Variants in SLC6A19 observed in about 807,000 individuals in gnomAD.
The protein encoded by SLC6A19 is solute carrier family 6 member 19, also known as sodium-dependent neutral amino acid transporter B(0)AT1.
SLC6A19 carries 67 observed loss-of-function variants against 68.3 expected under a neutral mutation model. The ratio of observed to expected loss-of-function variants is 0.98; its 90% CI spans 0.81 to 1.20. The LOEUF is 1.20. SLC6A19 is among the 50% of genes most tolerant of loss of function. SLC6A19 has a pLI of 0.00. For missense variants in SLC6A19, 813 were observed against 851.6 expected, an observed-to-expected ratio of 0.95 and a Z score of 0.56; for synonymous variants, 392 against 374.9, an observed-to-expected ratio of 1.05 and a Z score of -0.53.
chr5:1,203,729 G>T (rs1376126920), intron 1 of SLC6A19, among the ~76,000 whole-genome samples: 1 of 152,228 alleles, frequency 6.6e-6, no homozygotes, highest in Non-Finnish European at 1.5e-5. Context: ...GGCTGACCAG[G>T]ACCCCACATA....
chr5:1,219,605 C>A lies in SLC6A19; in HGVS notation c.1479C>A (p.Pro493=). 4 of 1,611,150 alleles carry A rather than the reference C, an allele frequency of 2.5e-6. No individual in the cohort carries two copies. Among genetic ancestry groups the A allele is most frequent in the East Asian group, 2.2e-5 (1 of 44,890 alleles). Residue 493 remains proline, a synonymous_variant, in exon 10 of 12, where the codon CCC becomes CCA. Transcript: ENST00000304460. Reference sequence around the variant, plus strand: ...TGGACAGCTATGCCGGCTCCATTCCCCTGCTCATCATCGCCTTCTGCGAGA... The same window carrying A: ...TGGACAGCTATGCCGGCTCCATTCCACTGCTCATCATCGCCTTCTGCGAGA... ...SLLDSYAGSI[P]LLIIAFCEMF... is the part of the protein sequence containing the mutation.
In SLC6A19 at chr5:1,221,313, CG is replaced by C; in HGVS notation, c.1701+1del. The C allele has an allele frequency of 6.2e-7, 1 of 1,613,310 alleles. No individual in the cohort carries two copies. Among genetic ancestry groups the C allele is most frequent in the Non-Finnish European group, 8.5e-7 (1 of 1,179,982 alleles). On this transcript the variant is annotated splice_donor_variant, in intron 11 of 11. Coordinates refer to ENST00000304460, the MANE Select transcript of SLC6A19 (RefSeq NM_001003841.3). LOFTEE classifies it high-confidence loss of function. ...CCTACAGCATCTGGGACCCTGGCTA[CG>C]TAAGTGTCCAGGCAGTCGCCTGGGG... is the stretch of plus-strand genomic sequence containing the variant.
Position 1,210,537 on chromosome 5 carries a change from A to C in SLC6A19, c.437A>C (p.Glu146Ala). The C allele has an allele frequency of 6.2e-7, 1 of 1,613,326 alleles. No individual in the cohort carries two copies. The highest frequency in any genetic ancestry group is 8.5e-7 in the Non-Finnish European group (1 of 1,180,012). Residue 146 changes from glutamate to alanine, a missense_variant, in exon 3 of 12, where the codon GAG becomes GCG. Transcript: ENST00000304460. ...TGGTACTTATTCAACTCCTTCCAGG[A>C]GCCTCTGCCCTGGAGCGACTGCCCG... is the stretch of plus-strand genomic sequence containing the variant. ...IMWYLFNSFQEPLPWSDCPLN... is the reference protein window; with the variant it reads ...IMWYLFNSFQAPLPWSDCPLN...
intron 1 of SLC6A19, among the ~76,000 whole-genome samples, chr5:1,203,718 G>A (rs943719352): frequency 2.0e-5 from 3 of 152,260 alleles, no homozygotes; most frequent in African/African-American, 7.2e-5. Flanking sequence ...CATGCTGTGG[G>A]GGCTGACCAG....
Position 1,216,936 on chromosome 5 carries a change from C to G in SLC6A19, c.1164C>G (p.Phe388Leu). 1.2e-6 allele frequency: 2 copies of G among 1,612,908 alleles called. No homozygotes were observed. The highest frequency in any genetic ancestry group is 2.7e-5 in the African/African-American group (2 of 75,070). Residue 388 changes from phenylalanine (F) to leucine (L), a missense_variant, in exon 8 of 12, where the codon TTC becomes TTG. Coordinates refer to ENST00000304460, the MANE Select transcript of SLC6A19 (RefSeq NM_001003841.3). The part of the protein sequence containing the change: ...LVFQTCDINA[F>L]LSEAVEGTGL... ...TCCAGACCTGCGACATCAACGCCTT[C>G]CTCTCAGAGGTAGGTCCATTCCGGA... is the stretch of plus-strand genomic sequence containing the variant.
chr5:1,211,246 C>A (rs1746020226), intron 3 of SLC6A19, among the ~76,000 whole-genome samples: 1 of 152,192 alleles, frequency 6.6e-6, no homozygotes, highest in Middle Eastern at 3.2e-3. Context: ...TACGTGCAAC[C>A]CTCACTGCTC....
At position 1,215,397 on chromosome 5, in the gene SLC6A19, G is replaced by A. The variant is rs1341181103; in HGVS notation, c.888-1161G>A. 6.6e-6 allele frequency among the ~76,000 whole-genome samples: 1 copy of A among 152,204 alleles called. No individual in the cohort carries two copies. The highest frequency in any genetic ancestry group is 1.5e-5 in the Non-Finnish European group (1 of 68,030). On this transcript the variant is annotated intron_variant, in intron 6 of 11. Transcript: ENST00000304460. This position sits in a 1 kb window ranked among gnomAD's most constrained non-coding sequence, Gnocchi z 5.1. ...AGCAAAAGCTCCACATATGTGAGCA[G>A]CCGCTCCCCAGTGCCCTGTCCTCCT...
chr5:1,216,110 G>A (rs1483577801), intron 6 of SLC6A19, among the ~76,000 whole-genome samples: 10 of 152,338 alleles, frequency 6.6e-5, no homozygotes, highest in South Asian at 2.1e-4. Flanking sequence ...TGAGCACAGG[G>A]TGCCTTTAGG....
intron 1 of SLC6A19, among the ~76,000 whole-genome samples, chr5:1,208,017 C>T (rs1381484674): frequency 6.6e-6 from 1 of 152,128 alleles, no homozygotes; most frequent in East Asian, 1.9e-4. Flanking sequence ...ACGTGGTTCT[C>T]CTTTTTGCAA....
intron 5 of SLC6A19, 57 bp from the exon 6 acceptor site, chr5:1,213,896 C>G: frequency 6.3e-7 from 1 of 1,599,560 alleles, no homozygotes; most frequent in Non-Finnish European, 8.5e-7. Context: ...CACACCCTCC[C>G]AGGTCCCCAT....
chr5:1,214,049 A>G lies in SLC6A19; in HGVS notation c.871A>G (p.Ser291Gly). 1.9e-6 allele frequency: 3 copies of G among 1,613,786 alleles called. No individual in the cohort carries two copies. Among genetic ancestry groups the G allele is most frequent in the Non-Finnish European group, 2.5e-6 (3 of 1,179,988 alleles). ...LAFGGLISFS[S>G]YNSVHNNCEK... The stretch of plus-strand genomic sequence containing the variant: ...CTTCGGGGGCCTCATCTCCTTCTCC[A>G]GCTACAACTCTGTGCAGTGAGTGCG... The change falls in exon 6 of 12, where the codon AGC (serine) becomes GGC (glycine). Residue 291 changes from serine to glycine, a missense_variant. Transcript: ENST00000304460. This position sits in a 1 kb window ranked among gnomAD's most constrained non-coding sequence, Gnocchi z 7.4.
rs961437539 is a variant in SLC6A19 at position 1,212,895 on chromosome 5, C to A, written c.663+411C>A. ...GGTACGAGGTCCAGAGCGGCCATCC[C>A]TTTCTTCTGGTGGGCCGGCAGCCTG... On this transcript the variant is annotated intron_variant, in intron 4 of 11. Transcript: ENST00000304460. This position sits in a 1 kb window ranked among gnomAD's most constrained non-coding sequence, Gnocchi z 5.1. Among the ~76,000 whole-genome samples the A allele has an allele frequency of 6.6e-6, 1 of 152,052 alleles. No homozygotes were observed. The highest frequency in any genetic ancestry group is 1.9e-4 in the East Asian group (1 of 5,188).
rs939120041 is a variant in SLC6A19, at chr5:1,214,215, T to C, written c.887+150T>C. On this transcript the variant is annotated intron_variant, in intron 6 of 11. Transcript: ENST00000304460. This position sits in a 1 kb window ranked among gnomAD's most constrained non-coding sequence, Gnocchi z 7.4. ...CCCGTTCCCTCCTGCTCGGGGTCCA[T>C]GTGAGCTGAGTCTAGAGTGCAGCAT... 13 of 1,458,446 alleles carry C rather than the reference T, an allele frequency of 8.9e-6. No individual in the cohort carries two copies. The Admixed American group carries it at 1.7e-4, about 19-fold the overall frequency. 90.3% of individuals were successfully genotyped at this position (1,458,446 alleles called of 1,614,324 possible).
At chr5:1,202,742 G>A (rs1745751137) in intron 1 of SLC6A19, among the ~76,000 whole-genome samples, 1 of 152,204 alleles carries the variant, frequency 6.6e-6, no homozygotes, top group Non-Finnish European at 1.5e-5. Context: ...CCCTCAGGGG[G>A]CCCTGTTCCT....
Position 1,210,429 on chromosome 5 carries a change from G to A in SLC6A19, c.344-15G>A. On this transcript the variant is annotated splice_polypyrimidine_tract_variant and intron_variant, in intron 2 of 11. Transcript: ENST00000304460. ...TGTGCCTCGGCCCCAAGCCTCAGCA[G>A]CAGCCTCCCTGCAGGCCTGGCCTCC... 1 of 1,612,380 alleles carries A rather than the reference G, an allele frequency of 6.2e-7. No individual in the cohort carries two copies. Among genetic ancestry groups the A allele is most frequent in the Non-Finnish European group, 8.5e-7 (1 of 1,179,942 alleles).
rs150878154 is a variant in SLC6A19, at chr5:1,209,343, G to A, written c.343+457G>A. 6.6e-6 allele frequency among the ~76,000 whole-genome samples: 1 copy of A among 152,288 alleles called. No homozygotes were observed. The highest frequency in any genetic ancestry group is 1.5e-5 in the Non-Finnish European group (1 of 68,028). On this transcript the variant is annotated intron_variant, in intron 2 of 11. Transcript: ENST00000304460. This position sits in a 1 kb window ranked among gnomAD's most constrained non-coding sequence, Gnocchi z 5.5. Reference sequence around the variant, plus strand: ...AGCAGACCCAGTGCAGCCTCACCAAGAGGACACGGCTCATTAAGCCCTCAG... The same window carrying A: ...AGCAGACCCAGTGCAGCCTCACCAAAAGGACACGGCTCATTAAGCCCTCAG...
chr5:1,217,252 CT>C (rs1746236454), intron 8 of SLC6A19, among the ~76,000 whole-genome samples: 1 of 152,270 alleles, frequency 6.6e-6, no homozygotes, highest in Admixed American at 6.5e-5. Context: ...AAAACACCCC[CT>C]GGGGCCATCT....
intron 8 of SLC6A19, among the ~76,000 whole-genome samples, chr5:1,218,005 G>GTGCCTCCTCC (rs1554035169): frequency 3.3e-5 from 5 of 149,424 alleles, no homozygotes; most frequent in Non-Finnish European, 7.4e-5. Context: ...CTCCATCCTG[G>GTGCCTCCTCC]CGCCTCCTCC....
At position 1,216,810 on chromosome 5, in the gene SLC6A19, C is replaced by T. The variant is rs563351834; in HGVS notation, c.1038C>T (p.Asn346=). ...CFSTNILTLI[N]GFDLPEGNVT... is the part of the protein sequence containing the mutation. The stretch of plus-strand genomic sequence containing the variant: ...GCAGGAACATCCTGACCCTCATCAA[C>T]GGGTTCGACCTGCCTGAAGGCAACG... The change falls in exon 8 of 12, where the codon AAC becomes AAT. Residue 346 remains asparagine, a synonymous_variant. Coordinates refer to ENST00000304460, the MANE Select transcript of SLC6A19 (RefSeq NM_001003841.3). The T allele has an allele frequency of 2.5e-5, 40 of 1,613,822 alleles. No homozygotes were observed. Among genetic ancestry groups the T allele is most frequent in the African/African-American group, 2.3e-4 (17 of 75,084 alleles).
Sources: allele counts gnomAD v4.1 joint callset (sites outside exome capture counted in the v4.1 genomes callset), GRCh38; gene constraint gnomAD v4.1.1; non-coding constraint Gnocchi (gnomAD v3.1); transcripts MANE v1.5; gene names NCBI Gene and HGNC (gene_info 2026-07-23, HGNC 2026-07-21).